Variants in PDE1C observed in about 807,000 individuals in gnomAD.
PDE1C encodes the protein phosphodiesterase 1C.
PDE1C carries 62 observed loss-of-function variants against 93.1 expected under a neutral mutation model. The ratio of observed to expected loss-of-function variants is 0.67; its 90% CI spans 0.54 to 0.82. The LOEUF (loss-of-function observed/expected upper bound fraction) is 0.82, where lower values mean the gene tolerates loss of function less well. PDE1C is among the 40% of genes least tolerant of loss of function. The pLI is 0.00. For missense variants in PDE1C, 742 were observed against 884.6 expected, an observed-to-expected ratio of 0.84 and a Z score of 2.04; for synonymous variants, 325 against 310.1, an observed-to-expected ratio of 1.05 and a Z score of -0.50.
At chr7:31,670,365 T>G in the PDE1C span, among the ~76,000 whole-genome samples, 1 of 152,168 alleles carries the variant, frequency 6.6e-6, no homozygotes, top group Admixed American at 6.5e-5. Context: ...CTGCACCACA[T>G]GTTCATTTCT....
chr7:31,893,424 T>G, intron 2 of PDE1C: 1 of 941,300 alleles, frequency 1.1e-6, no homozygotes, highest in Non-Finnish European at 1.3e-6. Flanking sequence ...TAAAGCTTTT[T>G]CATTTTGTGC....
intron 2 of PDE1C, among the ~76,000 whole-genome samples, chr7:32,179,170 G>A (rs1562552447): frequency 6.7e-6 from 1 of 149,928 alleles, no homozygotes; most frequent in Admixed American, 6.7e-5. Flanking sequence ...TGTAGATCAC[G>A]CAGAACATCC....
At chr7:32,299,133 C>A in exon 1 of PDE1C, 1 of 1,019,726 alleles carries the variant, frequency 9.8e-7, no homozygotes, top group South Asian at 4.5e-5. Context: ...AGTCTGTTTT[C>A]TACTTCACCT....
chr7:32,045,060 C>T (rs949372720), intron 2 of PDE1C, among the ~76,000 whole-genome samples: 3 of 136,302 alleles, frequency 2.2e-5, no homozygotes, highest in Admixed American at 1.5e-4. Flanking sequence ...TGCCCCCCTC[C>T]CACCCCCTCC....
At chr7:31,986,581 G>T (rs1432898844) in intron 2 of PDE1C, among the ~76,000 whole-genome samples, 1 of 152,068 alleles carries the variant, frequency 6.6e-6, no homozygotes, top group Admixed American at 6.6e-5. Flanking sequence ...TCCAATAACT[G>T]ATATCCTAAT....
At chr7:32,257,550 T>G (rs763131120) in intron 1 of PDE1C, among the ~76,000 whole-genome samples, 12 of 152,258 alleles carry the variant, frequency 7.9e-5, no homozygotes, top group Non-Finnish European at 1.8e-4. Flanking sequence ...TTAAATGACT[T>G]AATATTTACA....
At chr7:31,862,647 T>C (rs1056942039) in intron 7 of PDE1C, among the ~76,000 whole-genome samples, 1 of 152,140 alleles carries the variant, frequency 6.6e-6, no homozygotes, top group Non-Finnish European at 1.5e-5. Context: ...TCACGACAGC[T>C]CCATGCTCAT....
chr7:31,850,929 CA>C, intron 7 of PDE1C, 188 bp from the exon 8 acceptor site: 1 of 566,118 alleles, frequency 1.8e-6, no homozygotes, highest in African/African-American at 1.9e-5. Context: ...GATTTGTTAA[CA>C]ATGTGTTCAG....
At chr7:32,349,069 G>A (rs973387717) in intron 1 of PDE1C, among the ~76,000 whole-genome samples, 8 of 152,172 alleles carry the variant, frequency 5.3e-5, no homozygotes, top group Non-Finnish European at 8.8e-5. Flanking sequence ...CCTTCAAAGC[G>A]GATTAATTCA....
At chr7:31,979,886 C>T (rs971032704) in intron 2 of PDE1C, among the ~76,000 whole-genome samples, 1 of 152,170 alleles carries the variant, frequency 6.6e-6, no homozygotes, top group Admixed American at 6.5e-5. Flanking sequence ...TGACAGGTGA[C>T]AGGTAGTACC....
chr7:32,013,900 TCAA>T (rs1787503215), intron 2 of PDE1C, among the ~76,000 whole-genome samples: 1 of 152,234 alleles, frequency 6.6e-6, no homozygotes, highest in Non-Finnish European at 1.5e-5. Context: ...TGGGCCTTCC[TCAA>T]CTGCAGTTGG....
chr7:31,734,176 C>T, the PDE1C span, among the ~76,000 whole-genome samples: 2 of 152,126 alleles, frequency 1.3e-5, no homozygotes, highest in South Asian at 2.1e-4. Flanking sequence ...GGTGTGATGC[C>T]GAGTAACACA....
chr7:31,943,048 G>C (rs888096026), intron 2 of PDE1C, among the ~76,000 whole-genome samples: 2 of 152,104 alleles, frequency 1.3e-5, no homozygotes, highest in Non-Finnish European at 2.9e-5. Context: ...CCAGGAGAAA[G>C]GAACCCTGGA....
At chr7:32,370,843 A>C (rs1398387140) in intron 1 of PDE1C, among the ~76,000 whole-genome samples, 1 of 152,136 alleles carries the variant, frequency 6.6e-6, no homozygotes, top group Non-Finnish European at 1.5e-5. Context: ...CAACAGATGA[A>C]TGGATAAAGA....
chr7:32,265,968 G>T (rs936163872), intron 1 of PDE1C, among the ~76,000 whole-genome samples: 2 of 129,454 alleles, frequency 1.5e-5, no homozygotes, highest in African/African-American at 5.6e-5. Context: ...TAATACCAAG[G>T]AAGATGATCA....
intron 1 of PDE1C, among the ~76,000 whole-genome samples, chr7:32,357,291 A>G (rs1432495994): frequency 2.6e-5 from 4 of 151,698 alleles, no homozygotes; most frequent in African/African-American, 9.7e-5. Context: ...CAGAGATCGC[A>G]CCACTGCACT....
At chr7:32,309,884 A>C (rs183353980) in intron 1 of PDE1C, among the ~76,000 whole-genome samples, 294 of 152,340 alleles carry the variant, frequency 1.9e-3, no homozygotes, top group African/African-American at 6.6e-3. Context: ...GACAGGACCA[A>C]ATACACACAT....
chr7:32,186,092 T>G (rs1189768398), intron 2 of PDE1C, among the ~76,000 whole-genome samples: 2 of 19,982 alleles, frequency 1.0e-4, no homozygotes, highest in South Asian at 2.2e-3. Flanking sequence ...TTTTTGTTTT[T>G]TTTTTTTTTT....
intron 1 of PDE1C, among the ~76,000 whole-genome samples, chr7:32,215,385 G>A (rs1397501563): frequency 1.3e-5 from 2 of 152,158 alleles, no homozygotes; most frequent in Non-Finnish European, 2.9e-5. Context: ...GTGCCATAAA[G>A]GTTGAGAACC....
Sources: allele counts gnomAD v4.1 joint callset (sites outside exome capture counted in the v4.1 genomes callset), GRCh38; gene constraint gnomAD v4.1.1; transcripts MANE v1.5; gene names NCBI Gene and HGNC (gene_info 2026-07-23, HGNC 2026-07-21).